The following PCNX2 variants were observed in gnomAD, a reference collection of about 807,000 sequenced individuals.
The protein encoded by PCNX2 is pecanex 2.
Under a neutral mutation model 223.8 loss-of-function variants are expected in PCNX2, and 168 were observed. The observed-to-expected ratio is 0.75, with a 90% CI of 0.66 to 0.85. The LOEUF (loss-of-function observed/expected upper bound fraction) is 0.85. Ranked by LOEUF, PCNX2 falls within the 40% of genes least tolerant of loss-of-function variation. The pLI, the probability that PCNX2 is intolerant of heterozygous loss-of-function variation, is 0.00. For missense variants in PCNX2, 2,507 were observed against 2,675.5 expected (o/e 0.94, Z 1.39); for synonymous variants, 1,006 against 1,052.6 (o/e 0.96, Z 0.86).
At chr1:233,085,204 G>A (rs1673540419) in intron 23 of PCNX2, among the ~76,000 whole-genome samples, 1 of 151,892 alleles carries the variant, frequency 6.6e-6, no homozygotes, top group South Asian at 2.1e-4. Context: ...GTGGTGGCGG[G>A]CCTCTGTAAT....
chr1:233,162,647 T>A (rs1488446259), intron 17 of PCNX2, among the ~76,000 whole-genome samples: 4 of 152,198 alleles, frequency 2.6e-5, no homozygotes, highest in Non-Finnish European at 5.9e-5. Context: ...GGCCATATAT[T>A]GCTTCCTATC....
At chr1:233,322,390 A>G in the PCNX2 span, among the ~76,000 whole-genome samples, 579 of 152,280 alleles carry the variant, frequency 3.8e-3, 3 homozygotes, top group African/African-American at 0.012. Flanking sequence ...GGGGTTAAAA[A>G]TAGCACCGAA....
chr1:233,027,294 T>A (rs1671112962), intron 25 of PCNX2, among the ~76,000 whole-genome samples: 2 of 152,106 alleles, frequency 1.3e-5, no homozygotes, highest in African/African-American at 4.8e-5. Flanking sequence ...AGGGGTAGTC[T>A]CATGAGCGTG....
At chr1:233,177,695 T>C in intron 17 of PCNX2, 107 bp downstream of exon 17, 5 of 909,950 alleles carry the variant, frequency 5.5e-6, no homozygotes, top group Middle Eastern at 2.2e-4. Flanking sequence ...TGTATCTTTC[T>C]GTCCTAGTCC....
At position 233,001,502 on chromosome 1, in the gene PCNX2, A is replaced by G; in HGVS notation, c.5097+35T>C. 1 of 1,147,818 alleles carries G rather than the reference A, an allele frequency of 8.7e-7. No homozygotes were observed. The highest frequency in any genetic ancestry group is 1.1e-6 in the Non-Finnish European group (1 of 906,000). The allele number at this position is 1,147,818 out of a possible 1,614,324, so 71.1% of individuals were successfully genotyped here. A position where few individuals can be genotyped will look rare whatever the true frequency, so the allele number is the denominator to read the frequency against. On this transcript the variant is annotated intron_variant, in intron 29 of 33. Transcript: ENST00000258229. This position sits in a 1 kb window ranked among gnomAD's most constrained non-coding sequence, Gnocchi z 4.2. The stretch of plus-strand genomic sequence containing the variant: ...CTCATAAATAAATAAATAAATAAAT[A>G]AATAAATAAATAAATAAATAAAATA...
At chr1:233,183,805 G>C (rs1445733880) in intron 15 of PCNX2, among the ~76,000 whole-genome samples, 1 of 152,162 alleles carries the variant, frequency 6.6e-6, no homozygotes, top group Non-Finnish European at 1.5e-5. Flanking sequence ...GGGCTACACA[G>C]CAGGAAGCAG....
the PCNX2 span, among the ~76,000 whole-genome samples, chr1:233,321,973 C>T: frequency 1.3e-5 from 2 of 152,118 alleles, no homozygotes; most frequent in East Asian, 1.9e-4. Flanking sequence ...TCAGGGGCCT[C>T]GGATCACACT....
chr1:233,281,022 A>C (rs1661169058), intron 1 of PCNX2, among the ~76,000 whole-genome samples: 1 of 152,226 alleles, frequency 6.6e-6, no homozygotes. Context: ...CGGAATAATA[A>C]ATTCAGATAT....
At chr1:233,072,294 T>C (rs1032774211) in intron 23 of PCNX2, among the ~76,000 whole-genome samples, 11 of 152,220 alleles carry the variant, frequency 7.2e-5, no homozygotes, top group African/African-American at 2.7e-4. Context: ...TTTAAGTCTT[T>C]AATTCAACTT....
chr1:233,108,964 A>G (rs1342794008), intron 21 of PCNX2, among the ~76,000 whole-genome samples: 1 of 152,204 alleles, frequency 6.6e-6, no homozygotes, highest in Non-Finnish European at 1.5e-5. Flanking sequence ...CAGGAAAGGT[A>G]TAAGAGCATG....
intron 20 of PCNX2, among the ~76,000 whole-genome samples, chr1:233,137,363 C>A (rs1197173632): frequency 6.6e-6 from 1 of 152,226 alleles, no homozygotes; most frequent in South Asian, 2.1e-4. Context: ...TCCCACTGGG[C>A]ACCCTGAGCT....
chr1:233,212,390 A>G (rs186784950), intron 12 of PCNX2, among the ~76,000 whole-genome samples: 1 of 152,366 alleles, frequency 6.6e-6, no homozygotes, highest in East Asian at 1.9e-4. Context: ...ATTTAAATAT[A>G]GCAGAAATGT....
intron 15 of PCNX2, among the ~76,000 whole-genome samples, chr1:233,189,665 A>G (rs1200913504): frequency 6.6e-6 from 1 of 152,160 alleles, no homozygotes; most frequent in African/African-American, 2.4e-5. Flanking sequence ...ATCCTGTGGG[A>G]CCCAGAAGAA....
At chr1:233,206,882 A>G (rs544554597) in intron 13 of PCNX2, among the ~76,000 whole-genome samples, 1 of 152,118 alleles carries the variant, frequency 6.6e-6, no homozygotes, top group Non-Finnish European at 1.5e-5. Context: ...ATGGTGGCAC[A>G]TGCCTGTAAT....
intron 1 of PCNX2, among the ~76,000 whole-genome samples, chr1:233,282,413 C>T (rs1392033978): frequency 6.6e-6 from 1 of 152,182 alleles, no homozygotes; most frequent in East Asian, 1.9e-4. Context: ...CAACTATCTA[C>T]TCAACATCTC....
intron 1 of PCNX2, among the ~76,000 whole-genome samples, chr1:233,276,912 C>T (rs932609589): frequency 6.6e-6 from 1 of 152,236 alleles, no homozygotes; most frequent in Non-Finnish European, 1.5e-5. Context: ...ATAGCACACA[C>T]TAGTGACAAC....
intron 4 of PCNX2, among the ~76,000 whole-genome samples, chr1:233,259,659 T>C (rs1659946642): frequency 6.6e-6 from 1 of 152,076 alleles, no homozygotes. Flanking sequence ...GTGTGTGATG[T>C]TCCCCTCCCT....
chr1:233,290,152 T>C (rs1057001759), intron 1 of PCNX2, among the ~76,000 whole-genome samples: 1 of 144,712 alleles, frequency 6.9e-6, no homozygotes, highest in Non-Finnish European at 1.5e-5. Flanking sequence ...GGGGTTGGGG[T>C]ATTAGGGGGT....
chr1:233,074,174 A>C (rs565401571), intron 23 of PCNX2, among the ~76,000 whole-genome samples: 1 of 152,228 alleles, frequency 6.6e-6, no homozygotes, highest in East Asian at 1.9e-4. Flanking sequence ...TCTTTGTATA[A>C]TTTCAGTTTT....
Sources: gnomAD v4.1 joint callset for allele counts (sites outside exome capture counted in the v4.1 genomes callset) on GRCh38, gnomAD v4.1.1 for gene constraint, Gnocchi (gnomAD v3.1) non-coding constraint, MANE v1.5 for transcripts, NCBI Gene and HGNC (gene_info 2026-07-23, HGNC 2026-07-21) for gene names.